Variants in ACTR3C observed in about 807,000 individuals in gnomAD.
ACTR3C encodes the protein actin-related protein 3C.
ACTR3C carries 18 observed loss-of-function variants against 26.3 expected under a neutral mutation model. The observed-to-expected ratio is 0.68, with a 90% CI of 0.47 to 1.01. ACTR3C has a LOEUF of 1.01. Ranked by LOEUF, ACTR3C falls within the 50% of genes least tolerant of loss-of-function variation. The probability of loss-of-function intolerance (pLI) is 0.00; values close to 1 mark genes in which losing one functional copy is unlikely to be tolerated. For synonymous variants in ACTR3C, 55 were observed against 94.5 expected (o/e 0.58, Z 2.42); for missense variants, 184 against 250.7 (o/e 0.73, Z 1.80).
chr7:149,918,706 C>A, the ACTR3C span, among the ~76,000 whole-genome samples: 11 of 151,922 alleles, frequency 7.2e-5, no homozygotes, highest in Non-Finnish European at 1.2e-4. Context: ...ACAACAACAA[C>A]AAAAAATTTA....
At chr7:149,954,507 G>A in the ACTR3C span, among the ~76,000 whole-genome samples, 2 of 152,070 alleles carry the variant, frequency 1.3e-5, no homozygotes, top group Admixed American at 6.5e-5. Flanking sequence ...TGTGTTCACT[G>A]TATATCTGCC....
the ACTR3C span, among the ~76,000 whole-genome samples, chr7:150,149,926 C>G: frequency 7.2e-5 from 11 of 152,196 alleles, no homozygotes; most frequent in South Asian, 2.1e-4. Context: ...AAAATGACTA[C>G]TTTTGAAAGT....
At position 150,289,543 on chromosome 7, in the gene ACTR3C, A is replaced by G; in HGVS notation, c.204T>C (p.Gly68=). Residue 68 remains glycine, a synonymous_variant, in exon 4 of 8, where the codon GGT becomes GGC. Coordinates refer to ENST00000683684, the MANE Select transcript of ACTR3C (RefSeq NM_001164458.2). Reference sequence around the variant, plus strand: ...GTTGAATGAAATACGTAATATCTCTACCTGCAATCGGGATGTGTTTGATGC... The same window carrying G: ...GTTGAATGAAATACGTAATATCTCTGCCTGCAATCGGGATGTGTTTGATGC... ...GSCIKHIPIA[G]RDITYFIQQL... The G allele has an allele frequency of 1.2e-6, 2 of 1,603,720 alleles. No individual in the cohort carries two copies. The highest frequency in any genetic ancestry group is 2.2e-5 in the South Asian group (2 of 89,194).
the ACTR3C span, among the ~76,000 whole-genome samples, chr7:150,105,235 ACCAC>A: frequency 6.6e-6 from 1 of 150,930 alleles, no homozygotes; most frequent in Admixed American, 6.6e-5. Flanking sequence ...GGCATCCACC[ACCAC>A]CCCTGGCTAA....
chr7:150,059,005 G>A, the ACTR3C span, among the ~76,000 whole-genome samples: 1 of 152,184 alleles, frequency 6.6e-6, no homozygotes, highest in Non-Finnish European at 1.5e-5. Flanking sequence ...GAGCATGCAG[G>A]TACTGAACTA....
the ACTR3C span, among the ~76,000 whole-genome samples, chr7:149,996,473 G>A: frequency 3.3e-5 from 5 of 149,902 alleles, no homozygotes; most frequent in African/African-American, 9.7e-5. Flanking sequence ...AAGACAAACA[G>A]GCAGGTGGTC....
the ACTR3C span, among the ~76,000 whole-genome samples, chr7:150,222,765 G>T: frequency 1.8e-4 from 28 of 152,030 alleles, no homozygotes; most frequent in African/African-American, 6.3e-4. Flanking sequence ...AGATAAGAAA[G>T]ATGCTGTTGA....
the ACTR3C span, among the ~76,000 whole-genome samples, chr7:150,211,059 A>G: frequency 6.6e-6 from 1 of 150,486 alleles, no homozygotes; most frequent in Admixed American, 6.5e-5. Context: ...TACTCACTAA[A>G]TATGACAAAC....
At chr7:150,035,807 A>T in the ACTR3C span, among the ~76,000 whole-genome samples, 9 of 94,172 alleles carry the variant, frequency 9.6e-5, 2 homozygotes, top group Admixed American at 2.0e-4. Flanking sequence ...GGAACCAGGG[A>T]CTGGCTCTCA....
the ACTR3C span, among the ~76,000 whole-genome samples, chr7:149,912,504 AT>A: frequency 0.59 from 81,722 of 139,580 alleles, 23,743 homozygotes; most frequent in African/African-American, 0.68. Context: ...AGATATATTA[AT>A]TTTTTTTTTT....
At chr7:150,003,748 T>C in the ACTR3C span, among the ~76,000 whole-genome samples, 1,443 of 151,508 alleles carry the variant, frequency 9.5e-3, no homozygotes, top group African/African-American at 0.034. Context: ...GTGTGTACAG[T>C]GTGGTGTATG....
the ACTR3C span, among the ~76,000 whole-genome samples, chr7:150,056,690 G>A: frequency 6.9e-4 from 104 of 150,022 alleles, 1 homozygote; most frequent in African/African-American, 2.4e-3. Flanking sequence ...TCCTGTTTGT[G>A]CCCCGAATTT....
chr7:150,307,269 T>C (rs140265075), intron 1 of ACTR3C, among the ~76,000 whole-genome samples: 99 of 152,344 alleles, frequency 6.5e-4, no homozygotes, highest in African/African-American at 2.1e-3. Flanking sequence ...AGCTCACCCA[T>C]TGTAACCTCT....
chr7:149,893,436 C>T, the ACTR3C span, among the ~76,000 whole-genome samples: 2 of 152,186 alleles, frequency 1.3e-5, no homozygotes, highest in African/African-American at 4.8e-5. Flanking sequence ...TAAAAGTTTA[C>T]ATTTATTGAA....
chr7:150,127,152 ACAC>A, the ACTR3C span, among the ~76,000 whole-genome samples: 2 of 90,156 alleles, frequency 2.2e-5, no homozygotes, highest in Non-Finnish European at 5.3e-5. Context: ...ACACACACAC[ACAC>A]ACACACACAC....
At chr7:150,148,012 A>G in the ACTR3C span, among the ~76,000 whole-genome samples, 70,046 of 140,024 alleles carry the variant, frequency 0.5, 17,352 homozygotes, top group Middle Eastern at 0.59. Flanking sequence ...GAGAATGGGA[A>G]GGAGACAATG....
chr7:150,243,484 G>C (rs1033679419), downstream of ACTR3C, among the ~76,000 whole-genome samples: 2 of 151,948 alleles, frequency 1.3e-5, no homozygotes, highest in African/African-American at 4.8e-5. Flanking sequence ...AAAGATTGAA[G>C]TTACTTTTAA....
At chr7:150,312,160 C>A (rs1053588595) in intron 1 of ACTR3C, among the ~76,000 whole-genome samples, 8 of 152,206 alleles carry the variant, frequency 5.3e-5, no homozygotes, top group African/African-American at 1.9e-4. Context: ...GCCCCCACTC[C>A]AGAAGGCCAG....
intron 6 of ACTR3C, among the ~76,000 whole-genome samples, chr7:150,249,436 T>C (rs2129609046): frequency 6.6e-6 from 1 of 152,220 alleles, no homozygotes; most frequent in East Asian, 1.9e-4. Flanking sequence ...CATTTTTTTA[T>C]TTTTGTTTTT....
Sources: gnomAD v4.1 joint callset for allele counts (sites outside exome capture counted in the v4.1 genomes callset) on GRCh38, gnomAD v4.1.1 for gene constraint, MANE v1.5 for transcripts, NCBI Gene and HGNC (gene_info 2026-07-23, HGNC 2026-07-21) for gene names.